Variants in ZNF43 observed in about 807,000 individuals in gnomAD.
ZNF43 encodes the protein zinc finger protein 39-like 1 (KOX 27).
Under a neutral mutation model 68.4 loss-of-function variants are expected in ZNF43, and 44 were observed. The observed-to-expected ratio is 0.64, with a 90% CI of 0.51 to 0.83. The LOEUF is 0.83. Among genes scored for constraint, ZNF43 ranks in the 40% least tolerant of loss-of-function variants. The pLI is 0.00. For missense variants in ZNF43, 896 were observed against 933.2 expected (o/e 0.96, Z 0.52); for synonymous variants, 308 against 307.8 (o/e 1.00, Z -0.01).
intron 1 of ZNF43, among the ~76,000 whole-genome samples, chr19:21,825,631 T>C (rs549615859): frequency 1.3e-5 from 2 of 152,264 alleles, no homozygotes; most frequent in African/African-American, 4.8e-5. Context: ...AGGGCATTTT[T>C]AGCAAGAGGA....
chr19:21,820,821 T>C (rs1201965452), intron 1 of ZNF43, among the ~76,000 whole-genome samples: 1 of 150,518 alleles, frequency 6.6e-6, no homozygotes, highest in East Asian at 2.0e-4. Context: ...ATGTCTCCCA[T>C]GTTCTGTAAT....
chr19:21,849,885 C>CTGGG (rs1222348244), intron 1 of ZNF43: 1 of 152,200 alleles, frequency 6.6e-6, no homozygotes, highest in East Asian at 1.9e-4. Context: ...CACCTGCAAA[C>CTGGG]TGGGCCAAGC....
intron 1 of ZNF43, among the ~76,000 whole-genome samples, chr19:21,824,896 A>G (rs892590946): frequency 6.6e-6 from 1 of 152,022 alleles, no homozygotes; most frequent in Non-Finnish European, 1.5e-5. Flanking sequence ...GTAGATTTGT[A>G]AAGGCAAAAA....
chr19:21,830,315 CA>C (rs1383612141), intron 1 of ZNF43, among the ~76,000 whole-genome samples: 5 of 143,982 alleles, frequency 3.5e-5, no homozygotes, highest in South Asian at 2.3e-4. Context: ...AACAAACAAA[CA>C]AAAAAAGAAA....
In ZNF43 at chr19:21,819,224, A is replaced by T; in HGVS notation, c.4-3T>A. The stretch of plus-strand genomic sequence containing the variant: ...ACATCCATAAATGTCAATGGTCCCT[A>T]AAAAAAACAACACATACACACACAA... On this transcript the variant is annotated splice_polypyrimidine_tract_variant and splice_region_variant and intron_variant, in intron 1 of 3. Coordinates refer to ENST00000354959, the MANE Select transcript of ZNF43 (RefSeq NM_003423.4). 4 of 1,580,216 alleles carry T rather than the reference A, an allele frequency of 2.5e-6. No homozygotes were observed. Among genetic ancestry groups the T allele is most frequent in the Non-Finnish European group, 2.6e-6 (3 of 1,167,902 alleles).
At chr19:21,811,599 T>C (rs115539747) in intron 3 of ZNF43, among the ~76,000 whole-genome samples, 3,506 of 150,360 alleles carry the variant, frequency 0.023, 145 homozygotes, top group African/African-American at 0.078. Flanking sequence ...AGAGGCATTA[T>C]ACTTTCTGAT....
At chr19:21,842,088 C>T (rs544530966) in intron 1 of ZNF43, among the ~76,000 whole-genome samples, 2 of 152,030 alleles carry the variant, frequency 1.3e-5, no homozygotes, top group Non-Finnish European at 2.9e-5. Flanking sequence ...AGGAGAGTCA[C>T]ATCACCAAGG....
rs1169803028 is a variant in ZNF43 at position 21,809,856 on chromosome 19, T to TGTCTAGC, written c.230-50_230-49insGCTAGAC. On this transcript the variant is annotated intron_variant, in intron 3 of 3. Coordinates refer to ENST00000354959, the MANE Select transcript of ZNF43 (RefSeq NM_003423.4). ...TTATTCCACTTGCTAGACTCAGAGA[T>TGTCTAGC]AAATATACTTTATGTAACATATAAA... 1.2e-5 allele frequency: 17 copies of TGTCTAGC among 1,454,950 alleles called. No individual in the cohort carries two copies. The African/African-American group carries it at 2.1e-4, about 18-fold the overall frequency. The allele number at this position is 1,454,950 out of a possible 1,614,324, so 90.1% of individuals were successfully genotyped here.
At chr19:21,812,494 A>AG (rs1273389134) in intron 3 of ZNF43, among the ~76,000 whole-genome samples, 7 of 148,108 alleles carry the variant, frequency 4.7e-5, no homozygotes, top group East Asian at 2.0e-4. Flanking sequence ...AATTTTTACC[A>AG]AAAATATACA....
intron 1 of ZNF43, among the ~76,000 whole-genome samples, chr19:21,845,983 G>A (rs1382189116): frequency 6.7e-6 from 1 of 150,320 alleles, no homozygotes; most frequent in Non-Finnish European, 1.5e-5. Flanking sequence ...ATCTTTTTTT[G>A]TTCAGAGTCC....
In ZNF43 at chr19:21,812,287, C is replaced by T. The variant is rs931963435; in HGVS notation, c.230-2480G>A. ...GATTACAGGCGCGCACCACCACGCC[C>T]GGCTAATTTTTTATATTTTTAGTAG... On this transcript the variant is annotated intron_variant, in intron 3 of 3. Coordinates refer to ENST00000354959, the MANE Select transcript of ZNF43 (RefSeq NM_003423.4). Among the ~76,000 whole-genome samples, 31 of 152,080 alleles carry T rather than the reference C, an allele frequency of 2.0e-4. No homozygotes were observed. In the South Asian group the frequency reaches 2.7e-3, roughly 13 times the overall value.
chr19:21,807,762 C>G lies in ZNF43; in HGVS notation c.2275G>C (p.Glu759Gln). 6.2e-7 allele frequency: 1 copy of G among 1,613,368 alleles called. No individual in the cohort carries two copies. The highest frequency in any genetic ancestry group is 8.5e-7 in the Non-Finnish European group (1 of 1,179,698). ...LNTHKRIHTK[E>Q]QPYKCKECGK... ...CATTCTTTACATTTGTAGGGTTGCTCTTTAGTATGAATTCTCTTATGTGTA... is the reference window on the plus strand; with the variant it reads ...CATTCTTTACATTTGTAGGGTTGCTGTTTAGTATGAATTCTCTTATGTGTA... Residue 759 changes from glutamate to glutamine, a missense_variant, in exon 4 of 4, where the codon GAG (glutamate) becomes CAG (glutamine). Physicochemically the swap from Glu to Gln is conservative, Grantham distance 29. Transcript: ENST00000354959.
intron 1 of ZNF43, among the ~76,000 whole-genome samples, chr19:21,824,812 G>A (rs547841494): frequency 6.6e-6 from 1 of 151,952 alleles, no homozygotes; most frequent in Non-Finnish European, 1.5e-5. Flanking sequence ...ATTTATTTGG[G>A]CCAAGCTTGA....
intron 1 of ZNF43, among the ~76,000 whole-genome samples, chr19:21,835,825 G>C (rs530142462): frequency 1.3e-5 from 2 of 152,344 alleles, no homozygotes; most frequent in East Asian, 3.9e-4. Flanking sequence ...TGCCCACAGA[G>C]GGCTGCAGGC....
At chr19:21,851,881 G>A (rs964869084) in intron 1 of ZNF43, 35 of 1,565,786 alleles carry the variant, frequency 2.2e-5, no homozygotes, top group Non-Finnish European at 3.0e-5. Context: ...TCCCCTCTCG[G>A]GATGCCTAAC....
chr19:21,820,258 T>TA (rs2037751676), intron 1 of ZNF43, among the ~76,000 whole-genome samples: 1 of 144,582 alleles, frequency 6.9e-6, no homozygotes, highest in African/African-American at 2.6e-5. Flanking sequence ...ATATATTTTA[T>TA]ATATATACAC....
rs1214235324 is a variant in ZNF43, at chr19:21,817,892, G to C, written c.225C>G (p.Pro75=). 1.2e-6 allele frequency: 2 copies of C among 1,612,550 alleles called. No homozygotes were observed. Among genetic ancestry groups the C allele is most frequent in the Non-Finnish European group, 8.5e-7 (1 of 1,178,936 alleles). Residue 75 remains proline (P), a synonymous_variant, in exon 3 of 4, where the codon CCC becomes CCG. Coordinates refer to ENST00000354959, the MANE Select transcript of ZNF43 (RefSeq NM_003423.4). ...PMRRHEMVAK[P]PVMCSHFTQD... The stretch of plus-strand genomic sequence containing the variant: ...TTCACTTTCACTCTCACCTACCTGG[G>C]GGTTTGGCTACCATTTCATGTCTCC...
chr19:21,839,433 A>G (rs932839282), upstream of ZNF43, among the ~76,000 whole-genome samples: 1 of 151,604 alleles, frequency 6.6e-6, no homozygotes, highest in Admixed American at 6.6e-5. Flanking sequence ...ACATGAGAGA[A>G]GAGTCACATC....
At chr19:21,849,615 G>T (rs926947941) in intron 1 of ZNF43, among the ~76,000 whole-genome samples, 1 of 151,418 alleles carries the variant, frequency 6.6e-6, no homozygotes, top group Non-Finnish European at 1.5e-5. Flanking sequence ...TTCAAGAGCA[G>T]CCTGGCCAAC....
Sources: gnomAD v4.1 joint callset for allele counts (sites outside exome capture counted in the v4.1 genomes callset) on GRCh38, gnomAD v4.1.1 for gene constraint, MANE v1.5 for transcripts, NCBI Gene and HGNC (gene_info 2026-07-23, HGNC 2026-07-21) for gene names.